Variants in NFKB1 observed in about 807,000 individuals in gnomAD.
NFKB1 encodes the protein nuclear factor NF-kappa-B p105 subunit.
Under a neutral mutation model 105.1 loss-of-function variants are expected in NFKB1, and 9 were observed. That is an observed-to-expected ratio of 0.09 (90% CI 0.05 to 0.15). NFKB1 has a LOEUF of 0.15. Among genes scored for constraint, NFKB1 ranks in the 10% least tolerant of loss-of-function variants. The probability of loss-of-function intolerance (pLI) is 1.00; values close to 1 mark genes in which losing one functional copy is unlikely to be tolerated. For missense variants in NFKB1, 830 were observed against 1,203.7 expected (o/e 0.69, Z 4.59); for synonymous variants, 440 against 442.2 (o/e 1.00, Z 0.06).
At chr4:102,502,390 G>GCC (rs1311577382) in intron 1 of NFKB1, among the ~76,000 whole-genome samples, 4 of 105,392 alleles carry the variant, frequency 3.8e-5, no homozygotes, top group African/African-American at 8.3e-5. Context: ...GCGCGCGCGC[G>GCC]CACACACACA....
intron 4 of NFKB1, among the ~76,000 whole-genome samples, chr4:102,537,326 A>G (rs916575614): frequency 1.1e-4 from 17 of 152,344 alleles, no homozygotes; most frequent in African/African-American, 3.1e-4. Context: ...TGCTGAGAGA[A>G]GCTTAACAGA....
At chr4:102,610,002 G>A (rs1232676589) in intron 19 of NFKB1, among the ~76,000 whole-genome samples, 1 of 152,320 alleles carries the variant, frequency 6.6e-6, no homozygotes, top group Middle Eastern at 3.4e-3. Context: ...GGATGCTAAA[G>A]AGCAGACTAC....
chr4:102,557,742 G>A (rs533889304), intron 5 of NFKB1, among the ~76,000 whole-genome samples: 2 of 152,288 alleles, frequency 1.3e-5, no homozygotes, highest in African/African-American at 4.8e-5. Flanking sequence ...AGTTAGGGTG[G>A]GAAAAGAGAA....
intron 1 of NFKB1, among the ~76,000 whole-genome samples, chr4:102,507,800 T>C (rs958336015): frequency 6.6e-6 from 1 of 152,240 alleles, no homozygotes; most frequent in Non-Finnish European, 1.5e-5. Flanking sequence ...TTATTTATCA[T>C]GTCATTTGGA....
At chr4:102,527,543 C>CAT (rs1300382059) in intron 2 of NFKB1, among the ~76,000 whole-genome samples, 4 of 152,096 alleles carry the variant, frequency 2.6e-5, no homozygotes, top group African/African-American at 9.7e-5. Context: ...ATAAAATGGA[C>CAT]ATATATAGCA....
intron 5 of NFKB1, among the ~76,000 whole-genome samples, chr4:102,561,649 G>T (rs963360294): frequency 2.0e-5 from 3 of 152,100 alleles, no homozygotes; most frequent in Non-Finnish European, 2.9e-5. Context: ...TTGCCTGATC[G>T]CTCCATTTAT....
intron 5 of NFKB1, among the ~76,000 whole-genome samples, chr4:102,564,883 G>T (rs1305671438): frequency 2.0e-5 from 3 of 152,190 alleles, no homozygotes; most frequent in East Asian, 3.8e-4. Context: ...TAATTACATG[G>T]TTTATTTCGT....
chr4:102,556,739 C>T (rs573203964), intron 5 of NFKB1, among the ~76,000 whole-genome samples: 1 of 152,260 alleles, frequency 6.6e-6, no homozygotes, highest in South Asian at 2.1e-4. Context: ...AATAGAATGG[C>T]ATTCAAACAG....
At chr4:102,512,691 G>C (rs1179736732) in intron 1 of NFKB1, among the ~76,000 whole-genome samples, 1 of 152,142 alleles carries the variant, frequency 6.6e-6, no homozygotes, top group African/African-American at 2.4e-5. Context: ...AGTGTAGAAA[G>C]GGCTTCATGG....
At chr4:102,575,280 C>T (rs4648022) in intron 6 of NFKB1, among the ~76,000 whole-genome samples, 8,560 of 152,246 alleles carry the variant, frequency 0.056, 376 homozygotes, top group Middle Eastern at 0.14. Flanking sequence ...TGCCTGGACA[C>T]GTGACTTATT....
intron 1 of NFKB1, 50 bp from the exon 2 acceptor site, chr4:102,525,462 A>C: frequency 6.4e-7 from 1 of 1,562,472 alleles, no homozygotes; most frequent in Non-Finnish European, 8.8e-7. Context: ...TAGAATTTTT[A>C]AAGTTCATTC....
intron 3 of NFKB1, among the ~76,000 whole-genome samples, chr4:102,533,245 C>G (rs1178748483): frequency 1.3e-5 from 2 of 152,082 alleles, no homozygotes; most frequent in Non-Finnish European, 2.9e-5. Context: ...GGGAAACAAA[C>G]TAACCAGTTA....
chr4:102,533,355 G>A (rs1258004908), intron 3 of NFKB1, among the ~76,000 whole-genome samples: 3 of 152,178 alleles, frequency 2.0e-5, no homozygotes, highest in African/African-American at 4.8e-5. Context: ...TCTATCAGAC[G>A]TATACATACA....
rs62327179 is a variant in NFKB1, at chr4:102,602,445, C to G, written c.1752+1436C>G. Among the ~76,000 whole-genome samples, 256 of 150,224 alleles carry G rather than the reference C, an allele frequency of 1.7e-3. 1 individual carries two copies. Among genetic ancestry groups the G allele is most frequent in the Non-Finnish European group, 3.3e-3 (221 of 67,786 alleles). ...GTCCCAGCTACTCGGGAGGCTGAGGCAGGAGAATGGTGTGAACCTGGAGGC... is the reference window on the plus strand; with the variant it reads ...GTCCCAGCTACTCGGGAGGCTGAGGGAGGAGAATGGTGTGAACCTGGAGGC... On this transcript the variant is annotated intron_variant, in intron 16 of 23. Transcript: ENST00000226574.
chr4:102,525,172 G>A (rs887005536), intron 1 of NFKB1, among the ~76,000 whole-genome samples: 4 of 152,132 alleles, frequency 2.6e-5, no homozygotes, highest in African/African-American at 9.6e-5. Flanking sequence ...AAGTTCAGAG[G>A]GCGATAAAAA....
rs114024691 is a variant in NFKB1, at chr4:102,589,176, C to G, written c.1067-4249C>G. On this transcript the variant is annotated intron_variant, in intron 11 of 23. Transcript: ENST00000226574. ...AGTGAAATACAGCCAATAAATATCT[C>G]TCTGCTTTAAAAGGTAAAATGAATA... Among the ~76,000 whole-genome samples the G allele has an allele frequency of 6.8e-3, 1,032 of 152,284 alleles. 8 individuals carry two copies. Among genetic ancestry groups the G allele is most frequent in the African/African-American group, 0.021 (857 of 41,554 alleles).
At chr4:102,600,856 A>C (rs773662746) in intron 15 of NFKB1, 39 bp from the exon 16 acceptor site, 2 of 1,155,432 alleles carry the variant, frequency 1.7e-6, no homozygotes, top group Non-Finnish European at 2.6e-6. Flanking sequence ...TTTTTCATTA[A>C]CATTTTAGTT....
chr4:102,535,273 A>T (rs1334315288), intron 4 of NFKB1, among the ~76,000 whole-genome samples: 1 of 152,122 alleles, frequency 6.6e-6, no homozygotes, highest in East Asian at 1.9e-4. Flanking sequence ...ATGCCAAAGT[A>T]TTTTTTCCAA....
chr4:102,582,852 G>GTGAT lies in NFKB1; in HGVS notation c.836-11_836-8dup, dbSNP rs1725421922. 1 of 1,570,534 alleles carries GTGAT rather than the reference G, an allele frequency of 6.4e-7. No individual in the cohort carries two copies. The highest frequency in any genetic ancestry group is 1.7e-5 in the Admixed American group (1 of 59,840). ...ACTATGTGAAATTACACACTTCAAT[G>GTGAT]TGATTGTTTGCAGATGACATCCAGA... is the stretch of plus-strand genomic sequence containing the variant. On this transcript the variant is annotated splice_polypyrimidine_tract_variant and intron_variant, in intron 9 of 23. Transcript: ENST00000226574.
Sources: allele counts gnomAD v4.1 joint callset (sites outside exome capture counted in the v4.1 genomes callset), GRCh38; gene constraint gnomAD v4.1.1; transcripts MANE v1.5; gene names NCBI Gene and HGNC (gene_info 2026-07-23, HGNC 2026-07-21).